The following FGF20 variants were observed in gnomAD, a reference collection of about 807,000 sequenced individuals.
The protein encoded by FGF20 is fibroblast growth factor 20.
FGF20 carries 8 observed loss-of-function variants against 16.7 expected under a neutral mutation model. The ratio of observed to expected loss-of-function variants is 0.48; its 90% CI spans 0.28 to 0.87. FGF20 has a LOEUF of 0.87. Among genes scored for constraint, FGF20 ranks in the 40% least tolerant of loss-of-function variants. FGF20 has a pLI of 0.10. For missense variants in FGF20, 397 were observed against 281.4 expected, an observed-to-expected ratio of 1.41 and a Z score of -2.94; for synonymous variants, 161 against 118.6, an observed-to-expected ratio of 1.36 and a Z score of -2.32.
intron 2 of FGF20, among the ~76,000 whole-genome samples, 172 bp from the exon 3 acceptor site, chr8:16,993,489 G>C (rs1055331678): frequency 2.0e-5 from 3 of 152,172 alleles, no homozygotes; most frequent in Admixed American, 2.0e-4. Context: ...TCTTAGTGCA[G>C]GTGACTTCAT....
In FGF20 at chr8:16,992,919, T is replaced by C; in HGVS notation, c.*153A>G. 1 of 1,029,806 alleles carries C rather than the reference T, an allele frequency of 9.7e-7. No individual in the cohort carries two copies. The highest frequency in any genetic ancestry group is 1.4e-6 in the Non-Finnish European group (1 of 725,126). The allele number at this position is 1,029,806 out of a possible 1,614,324, so 63.8% of individuals were successfully genotyped here. ...TATTTCTAGTCAAAATTTTTTTTGG[T>C]TTTTTTTCTCAATATTCTTTCCAAA... On this transcript the variant is annotated 3_prime_UTR_variant, in exon 3 of 3. Transcript: ENST00000180166.
rs1181132258 is a variant in FGF20, at chr8:17,001,864, G to C, written c.169C>G (p.Leu57Val). 4.0e-6 allele frequency: 6 copies of C among 1,481,608 alleles called. No individual in the cohort carries two copies. The Admixed American group carries it at 1.2e-4, about 30-fold the overall frequency. 91.8% of individuals were successfully genotyped at this position (1,481,608 alleles called of 1,614,324 possible). The change falls in exon 1 of 3, where the codon CTG becomes GTG. Residue 57 changes from leucine (L) to valine (V), a missense_variant. Physicochemically the swap from Leu to Val is conservative, Grantham distance 32 (BLOSUM62 1). Transcript: ENST00000180166. ...CGCAGGATGCCGTGCAGGTGCGCCAGCTGCGCAGCCCCCGGCCCGCCGCGC... is the reference window on the plus strand; with the variant it reads ...CGCAGGATGCCGTGCAGGTGCGCCACCTGCGCAGCCCCCGGCCCGCCGCGC... ...SARGGPGAAQ[L>V]AHLHGILRRR... is the part of the protein sequence containing the mutation.
At chr8:17,000,685 G>A (rs1017566673) in intron 1 of FGF20, among the ~76,000 whole-genome samples, 7 of 152,026 alleles carry the variant, frequency 4.6e-5, no homozygotes, top group Non-Finnish European at 8.8e-5. Context: ...TATTAGAACC[G>A]GAGAGCACCC....
intron 1 of FGF20, among the ~76,000 whole-genome samples, chr8:16,996,374 C>T (rs1810047316): frequency 6.6e-6 from 1 of 152,104 alleles, no homozygotes; most frequent in Non-Finnish European, 1.5e-5. Flanking sequence ...AGTTCAGGAA[C>T]TTACTAACCA....
At chr8:16,998,887 A>C (rs1271485408) in intron 1 of FGF20, among the ~76,000 whole-genome samples, 4 of 55,718 alleles carry the variant, frequency 7.2e-5, no homozygotes, top group African/African-American at 1.8e-4. Context: ...TAAAACTGGC[A>C]AAAAAAAAAA....
At chr8:16,999,688 ATT>A (rs59591258) in intron 1 of FGF20, among the ~76,000 whole-genome samples, 82 of 132,818 alleles carry the variant, frequency 6.2e-4, no homozygotes, top group African/African-American at 1.6e-3. Context: ...CGCCCAGCTA[ATT>A]TTTTTTTTTT....
Position 16,993,422 on chromosome 8 carries a change from G to C in FGF20, c.391-105C>G, listed in dbSNP as rs1247632832. 5 of 1,185,108 alleles carry C rather than the reference G, an allele frequency of 4.2e-6. No homozygotes were observed. The African/African-American group carries it at 4.6e-5, about 11-fold the overall frequency. The allele number at this position is 1,185,108 out of a possible 1,614,324, so 73.4% of individuals were successfully genotyped here. A position where few individuals can be genotyped will look rare whatever the true frequency, so the allele number is the denominator to read the frequency against. On this transcript the variant is annotated intron_variant, in intron 2 of 2. Coordinates refer to ENST00000180166, the MANE Select transcript of FGF20 (RefSeq NM_019851.3). ...TCATTTCTTTGCCTTGTCAAAGAAA[G>C]AAAAAGGTTAAATTGGTTTTGCTTT...
chr8:17,002,069 T>C lies in FGF20; in HGVS notation c.-37A>G. The C allele has an allele frequency of 2.7e-6, 4 of 1,499,616 alleles. No homozygotes were observed. Among genetic ancestry groups the C allele is most frequent in the Non-Finnish European group, 3.5e-6 (4 of 1,127,504 alleles). The allele number at this position is 1,499,616 out of a possible 1,614,324, so 92.9% of individuals were successfully genotyped here. On this transcript the variant is annotated 5_prime_UTR_variant, in exon 1 of 3. Transcript: ENST00000180166. The stretch of plus-strand genomic sequence containing the variant: ...TCCGGAACACAAAAGACCCCCCCAG[T>C]AAAGAGTGTTGTGGGGGTGGGATGG...
chr8:16,994,350 A>G (rs1467090499), intron 2 of FGF20, among the ~76,000 whole-genome samples: 1 of 152,118 alleles, frequency 6.6e-6, no homozygotes, highest in Non-Finnish European at 1.5e-5. Flanking sequence ...ATTCTCCACG[A>G]TTTTTTATCT....
intron 1 of FGF20, among the ~76,000 whole-genome samples, 170 bp downstream of exon 1, chr8:17,001,577 T>C (rs17549941): frequency 5.4e-4 from 82 of 152,260 alleles, no homozygotes; most frequent in Middle Eastern, 3.4e-3. Flanking sequence ...GCGGCTGCTC[T>C]GGCCAGCCCT....
chr8:17,001,729 C>A lies in FGF20; in HGVS notation c.286+18G>T, dbSNP rs1810189158. 1 of 1,562,576 alleles carries A rather than the reference C, an allele frequency of 6.4e-7. No individual in the cohort carries two copies. The highest frequency in any genetic ancestry group is 8.6e-7 in the Non-Finnish European group (1 of 1,157,836). ...GCTGGGGCGCAGATGGGGGTGGGGT[C>A]GGGATGCTAGTACGTACCGAAGAGG... On this transcript the variant is annotated intron_variant, in intron 1 of 2. Coordinates refer to ENST00000180166, the MANE Select transcript of FGF20 (RefSeq NM_019851.3).
At chr8:17,001,649 A>T in intron 1 of FGF20, 98 bp downstream of exon 1, 2 of 1,341,450 alleles carry the variant, frequency 1.5e-6, no homozygotes, top group East Asian at 6.2e-5. Flanking sequence ...CCGCGCGGCG[A>T]TGACGCCCTT....
At position 16,995,596 on chromosome 8, in the gene FGF20, A is replaced by C. The variant is rs915301670; in HGVS notation, c.390+59T>G. ...TTCTTGGTAGACATTTTAATTACATAATAGATAGTCAATATTTTAAGAATT... is the reference window on the plus strand; with the variant it reads ...TTCTTGGTAGACATTTTAATTACATCATAGATAGTCAATATTTTAAGAATT... On this transcript the variant is annotated intron_variant, in intron 2 of 2. Coordinates refer to ENST00000180166, the MANE Select transcript of FGF20 (RefSeq NM_019851.3). The C allele has an allele frequency of 1.4e-4, 95 of 697,448 alleles. No individual in the cohort carries two copies. In the Middle Eastern group the frequency reaches 2.5e-3, roughly 18 times the overall value. The allele number at this position is 697,448 out of a possible 1,614,324, so 43.2% of individuals were successfully genotyped here.
rs1452752630 is a variant in FGF20 at position 17,000,556 on chromosome 8, T to C, written c.286+1191A>G. Among the ~76,000 whole-genome samples, 6 of 152,180 alleles carry C rather than the reference T, an allele frequency of 3.9e-5. No homozygotes were observed. In the East Asian group the frequency reaches 9.6e-4, roughly 24 times the overall value. On this transcript the variant is annotated intron_variant, in intron 1 of 2. Transcript: ENST00000180166. Reference sequence around the variant, plus strand: ...TGGGTGACAAATTAATGGTATCTTTTTTAAAAATAAAATGAATTTTTCCAA... The same window carrying C: ...TGGGTGACAAATTAATGGTATCTTTCTTAAAAATAAAATGAATTTTTCCAA...
In FGF20 at chr8:17,001,796, G is replaced by C. The variant is rs1266708845; in HGVS notation, c.237C>G (p.Ile79Met). ...TGCCCTGCACGCTGCCGTCGGGCAG[G>C]ATCTGCAGGTGGAAGCCGGTGCGGC... Reference protein sequence around the residue: ...LYCRTGFHLQILPDGSVQGTR... With the variant: ...LYCRTGFHLQMLPDGSVQGTR... Residue 79 changes from isoleucine (I) to methionine (M), a missense_variant, in exon 1 of 3, where the codon ATC becomes ATG. Transcript: ENST00000180166. 7 of 1,568,426 alleles carry C rather than the reference G, an allele frequency of 4.5e-6. No homozygotes were observed. Among genetic ancestry groups the C allele is most frequent in the African/African-American group, 4.2e-5 (3 of 71,252 alleles).
Position 16,995,727 on chromosome 8 carries a change from TC to T in FGF20, c.317del (p.Gly106AspfsTer16). ...TGTCCACACCTCTAATACTGACCAG[TC>T]CCACTGCCACACTGATGAATTCCAA... ...GILEFISVAV[G>X]LVSIRGVDSG... is the part of the protein sequence containing the mutation. On this transcript the variant is annotated frameshift_variant, in exon 2 of 3. Transcript: ENST00000180166. LOFTEE classifies it high-confidence loss of function. 5 of 1,606,614 alleles carry T rather than the reference TC, an allele frequency of 3.1e-6. No homozygotes were observed. The highest frequency in any genetic ancestry group is 4.3e-6 in the Non-Finnish European group (5 of 1,174,496).
chr8:17,001,820 G>T lies in FGF20; in HGVS notation c.213C>A (p.Cys71Ter). The T allele has an allele frequency of 6.5e-7, 1 of 1,545,734 alleles. No homozygotes were observed. The highest frequency in any genetic ancestry group is 2.7e-5 in the East Asian group (1 of 37,306). ...HGILRRRQLY[C>*]RTGFHLQILP... ...GGATCTGCAGGTGGAAGCCGGTGCG[G>T]CAATAGAGCTGCCGGCGGCGCAGGA... The change falls in exon 1 of 3, where the codon TGC becomes TGA. Residue 71 changes from cysteine (C) to a stop codon, truncating the protein, a stop_gained. Transcript: ENST00000180166. LOFTEE classifies it high-confidence loss of function.
rs768155803 is a variant in FGF20, at chr8:17,001,887, C to A, written c.146G>T (p.Arg49Leu). The A allele has an allele frequency of 3.5e-6, 5 of 1,435,740 alleles. No homozygotes were observed. Among genetic ancestry groups the A allele is most frequent in the Non-Finnish European group, 4.5e-6 (5 of 1,099,786 alleles). 88.9% of individuals were successfully genotyped at this position (1,435,740 alleles called of 1,614,324 possible). A position where few individuals can be genotyped will look rare whatever the true frequency, so the allele number is the denominator to read the frequency against. Residue 49 changes from arginine to leucine, a missense_variant, in exon 1 of 3, where the codon CGC becomes CTC. By Grantham distance (102) the Arg-to-Leu change is moderately radical. Coordinates refer to ENST00000180166, the MANE Select transcript of FGF20 (RefSeq NM_019851.3). ...CAGCTGCGCAGCCCCCGGCCCGCCG[C>A]GCGCGCTCCGCTCCGCCGCGCTCCT... Reference protein sequence around the residue: ...ERRSAAERSARGGPGAAQLAH... With the variant: ...ERRSAAERSALGGPGAAQLAH...
chr8:16,997,750 G>A (rs1452561215), intron 1 of FGF20, among the ~76,000 whole-genome samples: 1 of 152,146 alleles, frequency 6.6e-6, no homozygotes, highest in East Asian at 1.9e-4. Context: ...CAGAGGTGGG[G>A]AGTGAAGGAA....
Sources: allele counts gnomAD v4.1 joint callset (sites outside exome capture counted in the v4.1 genomes callset), GRCh38; gene constraint gnomAD v4.1.1; transcripts MANE v1.5; gene names NCBI Gene and HGNC (gene_info 2026-07-23, HGNC 2026-07-21).